The following ARL15 variants were observed in gnomAD, a reference collection of about 807,000 sequenced individuals.
The protein encoded by ARL15 is ARF like GTPase 15.
In ARL15, 19 loss-of-function variants were observed where a neutral mutation model predicts 25.2. That is an observed-to-expected ratio of 0.75 (90% confidence interval 0.53 to 1.10). The LOEUF (loss-of-function observed/expected upper bound fraction) is 1.10, where lower values mean the gene tolerates loss of function less well. Ranked by LOEUF, ARL15 falls within the 50% of genes least tolerant of loss-of-function variation. The pLI is 0.00. For missense variants in ARL15, 220 were observed against 246.0 expected, an observed-to-expected ratio of 0.89 and a Z score of 0.71; for synonymous variants, 94 against 86.8, an observed-to-expected ratio of 1.08 and a Z score of -0.46.
intron 3 of ARL15, among the ~76,000 whole-genome samples, chr5:54,130,564 T>C (rs1478053017): frequency 6.6e-6 from 1 of 152,194 alleles, no homozygotes; most frequent in Non-Finnish European, 1.5e-5. Flanking sequence ...TTATCAGAAA[T>C]GATATATTAT....
chr5:53,898,667 G>A (rs993753488), intron 4 of ARL15, among the ~76,000 whole-genome samples: 6 of 149,368 alleles, frequency 4.0e-5, no homozygotes, highest in Middle Eastern at 3.2e-3. Flanking sequence ...CCCTACCCCC[G>A]ACAGACCTCA....
At chr5:54,165,004 T>G (rs1279671925) in intron 2 of ARL15, among the ~76,000 whole-genome samples, 2 of 151,970 alleles carry the variant, frequency 1.3e-5, no homozygotes, top group African/African-American at 4.8e-5. Context: ...CATTTGTTGC[T>G]TTATGGGCTC....
intron 4 of ARL15, among the ~76,000 whole-genome samples, chr5:54,009,806 C>T (rs1749172946): frequency 6.6e-6 from 1 of 152,102 alleles, no homozygotes; most frequent in Non-Finnish European, 1.5e-5. Context: ...AAATGGCAGG[C>T]AGGGAGAGTA....
At chr5:54,075,612 G>A (rs1424588092) in intron 4 of ARL15, 1 of 152,064 alleles carries the variant, frequency 6.6e-6, no homozygotes, top group South Asian at 2.1e-4. Flanking sequence ...TCAGCCTTCT[G>A]AGTAGCTGGG....
At chr5:54,028,254 T>G (rs1450581862) in intron 4 of ARL15, among the ~76,000 whole-genome samples, 1 of 152,088 alleles carries the variant, frequency 6.6e-6, no homozygotes, top group Non-Finnish European at 1.5e-5. Flanking sequence ...CAATGATAAC[T>G]TATATAAATG....
intron 1 of ARL15, among the ~76,000 whole-genome samples, chr5:54,216,533 CAT>C (rs1207396074): frequency 3.9e-5 from 6 of 152,172 alleles, no homozygotes; most frequent in Non-Finnish European, 7.3e-5. Context: ...CAAATTTCCA[CAT>C]ACTCAGCATA....
At chr5:54,290,022 C>CT (rs1758285587) in intron 1 of ARL15, among the ~76,000 whole-genome samples, 1 of 152,148 alleles carries the variant, frequency 6.6e-6, no homozygotes, top group African/African-American at 2.4e-5. Flanking sequence ...GTGTCTCCGC[C>CT]TGCTGTCACC....
At chr5:53,933,605 A>C (rs1746262303) in intron 4 of ARL15, among the ~76,000 whole-genome samples, 1 of 132,668 alleles carries the variant, frequency 7.5e-6, no homozygotes, top group South Asian at 2.5e-4. Context: ...AGATTGTGCC[A>C]CTGCACTCCA....
At chr5:54,071,710 G>A (rs1010936880) in intron 4 of ARL15, among the ~76,000 whole-genome samples, 1 of 152,038 alleles carries the variant, frequency 6.6e-6, no homozygotes, top group East Asian at 1.9e-4. Flanking sequence ...GGTGGCTCAC[G>A]CCTGTAATCC....
intron 4 of ARL15, among the ~76,000 whole-genome samples, chr5:53,938,946 A>C (rs1746440457): frequency 6.6e-6 from 1 of 152,262 alleles, no homozygotes. Flanking sequence ...CAAATTTGTT[A>C]GCATCATAAA....
intron 4 of ARL15, among the ~76,000 whole-genome samples, chr5:53,949,513 AT>A (rs1482842314): frequency 6.6e-6 from 1 of 152,180 alleles, no homozygotes; most frequent in African/African-American, 2.4e-5. Context: ...TTTCTTCATC[AT>A]TTGAAATGAT....
At chr5:54,102,917 G>A (rs1752482784) in intron 4 of ARL15, among the ~76,000 whole-genome samples, 1 of 152,016 alleles carries the variant, frequency 6.6e-6, no homozygotes, top group African/African-American at 2.4e-5. Flanking sequence ...TTCCCATAAG[G>A]CTCCATTGGT....
At chr5:53,910,257 AGAG>A (rs2111974941) in intron 4 of ARL15, among the ~76,000 whole-genome samples, 1 of 152,290 alleles carries the variant, frequency 6.6e-6, no homozygotes, top group South Asian at 2.1e-4. Context: ...AGTAATCTTT[AGAG>A]AAGATCATTG....
At chr5:54,063,886 C>G (rs563996558) in intron 4 of ARL15, among the ~76,000 whole-genome samples, 2 of 152,284 alleles carry the variant, frequency 1.3e-5, no homozygotes, top group Non-Finnish European at 2.9e-5. Context: ...TAGCAAGCTT[C>G]TTTCTAAAAC....
At chr5:54,097,899 T>C (rs1219476750) in intron 4 of ARL15, among the ~76,000 whole-genome samples, 1 of 152,154 alleles carries the variant, frequency 6.6e-6, no homozygotes, top group Non-Finnish European at 1.5e-5. Flanking sequence ...ATTTAAGAGC[T>C]ACCTCCCATT....
At chr5:53,991,562 GGGGGGGC>G (rs1427319677) in intron 4 of ARL15, among the ~76,000 whole-genome samples, 2 of 28,456 alleles carry the variant, frequency 7.0e-5, no homozygotes, top group African/African-American at 2.5e-4. Flanking sequence ...AAAAAAAAAA[GGGGGGGC>G]GGGGGGCAAT....
At chr5:53,996,570 G>T (rs939983087) in intron 4 of ARL15, among the ~76,000 whole-genome samples, 14 of 140,994 alleles carry the variant, frequency 9.9e-5, no homozygotes, top group Non-Finnish European at 2.1e-4. Flanking sequence ...AGTGCGCTGA[G>T]ATCGCACCAC....
At position 53,925,582 on chromosome 5, in the gene ARL15, C is replaced by T. The variant is rs113263902; in HGVS notation, c.463-38869G>A. Among the ~76,000 whole-genome samples the T allele has an allele frequency of 3.4e-3, 525 of 152,208 alleles. 7 individuals carry two copies. The highest frequency in any genetic ancestry group is 0.012 in the African/African-American group (513 of 41,544). ...CTTTGGGAGGCCAAGGCAGGAGGATCGTTTGAGGTCAGGAGTTCGAGACCT... is the reference window on the plus strand; with the variant it reads ...CTTTGGGAGGCCAAGGCAGGAGGATTGTTTGAGGTCAGGAGTTCGAGACCT... On this transcript the variant is annotated intron_variant, in intron 4 of 4. Coordinates refer to ENST00000504924, the MANE Select transcript of ARL15 (RefSeq NM_019087.3).
intron 4 of ARL15, among the ~76,000 whole-genome samples, chr5:53,900,381 ATAAT>A (rs1745024434): frequency 6.6e-6 from 1 of 152,214 alleles, no homozygotes; most frequent in South Asian, 2.1e-4. Flanking sequence ...GGCATTATAA[ATAAT>A]TATTGTATAA....
Sources: gnomAD v4.1 joint callset for allele counts (sites outside exome capture counted in the v4.1 genomes callset) on GRCh38, gnomAD v4.1.1 for gene constraint, MANE v1.5 for transcripts, NCBI Gene and HGNC (gene_info 2026-07-23, HGNC 2026-07-21) for gene names.